Variants in PRDM15 observed in about 807,000 individuals in gnomAD.
PRDM15 encodes the protein PR domain zinc finger protein 15.
A neutral mutation model predicts 128.6 loss-of-function variants in PRDM15; 64 were observed. The ratio of observed to expected loss-of-function variants is 0.50; its 90% CI spans 0.41 to 0.61. The LOEUF (loss-of-function observed/expected upper bound fraction) is 0.61. PRDM15 is among the 20% of genes least tolerant of loss of function. The probability of loss-of-function intolerance (pLI) is 0.00; values close to 1 mark genes in which losing one functional copy is unlikely to be tolerated. For synonymous variants in PRDM15, 615 were observed against 621.8 expected, an observed-to-expected ratio of 0.99 and a Z score of 0.16; for missense variants, 1,242 against 1,569.1, an observed-to-expected ratio of 0.79 and a Z score of 3.52.
chr21:41,876,056 T>C (rs534281883), intron 1 of PRDM15, among the ~76,000 whole-genome samples: 1 of 152,288 alleles, frequency 6.6e-6, no homozygotes, highest in African/African-American at 2.4e-5. Flanking sequence ...ATAGTAAGTA[T>C]TTGCTTATCT....
chr21:41,824,534 A>AG (rs369327258), intron 13 of PRDM15, among the ~76,000 whole-genome samples: 137,042 of 152,040 alleles, frequency 0.9, 61,902 homozygotes, highest in African/African-American at 0.92. Context: ...TCAGGCACAG[A>AG]TTGTTTGCAC....
intron 1 of PRDM15, among the ~76,000 whole-genome samples, chr21:41,861,313 T>G (rs1342409160): frequency 6.6e-6 from 1 of 152,200 alleles, no homozygotes; most frequent in African/African-American, 2.4e-5. Context: ...CTATCCATCC[T>G]TGAGGTTCAC....
intron 5 of PRDM15, among the ~76,000 whole-genome samples, chr21:41,849,989 G>A (rs1312165261): frequency 5.3e-5 from 8 of 152,166 alleles, no homozygotes; most frequent in African/African-American, 7.2e-5. Context: ...GAATCAAATG[G>A]CAACAGCAGT....
At chr21:41,877,512 A>G (rs559103028) in intron 1 of PRDM15, 7 of 152,338 alleles carry the variant, frequency 4.6e-5, no homozygotes, top group African/African-American at 1.7e-4. Context: ...GAGTCTGAAA[A>G]ATCATTTAAG....
intron 22 of PRDM15, among the ~76,000 whole-genome samples, chr21:41,804,023 G>A (rs2061490394): frequency 6.7e-6 from 1 of 148,784 alleles, no homozygotes; most frequent in African/African-American, 2.5e-5. Context: ...GGAGCGCAGT[G>A]GCACAATCTC....
At chr21:41,833,578 CAT>C (rs1183723231) in intron 11 of PRDM15, among the ~76,000 whole-genome samples, 2 of 152,210 alleles carry the variant, frequency 1.3e-5, no homozygotes, top group African/African-American at 2.4e-5. Context: ...GCATGCAAAT[CAT>C]ATATTATGCA....
chr21:41,808,540 A>G (rs1165076431), intron 21 of PRDM15, among the ~76,000 whole-genome samples: 1 of 152,256 alleles, frequency 6.6e-6, no homozygotes, highest in Non-Finnish European at 1.5e-5. Flanking sequence ...TTCCAAAAGG[A>G]AGTCACTTTC....
chr21:41,856,195 CCCTTCCTTT>C (rs2063615995), intron 4 of PRDM15, among the ~76,000 whole-genome samples: 1 of 5,712 alleles, frequency 1.8e-4, no homozygotes. Flanking sequence ...TCCCCTCCCT[CCCTTCCTTT>C]CCTTCCTTCC....
At chr21:41,835,015 G>C (rs1601294871) in intron 11 of PRDM15, among the ~76,000 whole-genome samples, 1 of 152,196 alleles carries the variant, frequency 6.6e-6, no homozygotes, top group East Asian at 1.9e-4. Context: ...GATGTGGATG[G>C]AGGAGGGCTC....
intron 6 of PRDM15, among the ~76,000 whole-genome samples, chr21:41,844,572 AGCCCCTCCCCC>A (rs2063180695): frequency 1.8e-5 from 1 of 56,524 alleles, no homozygotes; most frequent in Non-Finnish European, 3.3e-5. Context: ...ACACACACAC[AGCCCCTCCCCC>A]CTCACAGGGA....
chr21:41,824,279 G>A (rs1392984194), intron 13 of PRDM15, among the ~76,000 whole-genome samples: 1 of 152,208 alleles, frequency 6.6e-6, no homozygotes, highest in Non-Finnish European at 1.5e-5. Context: ...CAGATGACTT[G>A]GGCTGACAGC....
chr21:41,826,592 T>C (rs2062480853), intron 12 of PRDM15, among the ~76,000 whole-genome samples: 1 of 152,206 alleles, frequency 6.6e-6, no homozygotes, highest in South Asian at 2.1e-4. Flanking sequence ...AGACAGACTT[T>C]TAAATGTTCA....
chr21:41,868,694 C>CTTTTTTTTTT (rs55653735), intron 1 of PRDM15, among the ~76,000 whole-genome samples: 18 of 125,166 alleles, frequency 1.4e-4, no homozygotes, highest in East Asian at 4.6e-4. Context: ...TTTTCTTTTT[C>CTTTTTTTTTT]TTTTTTTTTT....
In PRDM15 at chr21:41,879,218, C is replaced by CCGGCGGGGCGCA. The variant is rs1173663259; in HGVS notation, c.-10+40_-10+51dup. On this transcript the variant is annotated intron_variant, in intron 1 of 23. Coordinates refer to ENST00000398548, the MANE Select transcript of PRDM15 (RefSeq NM_001040424.3). This position sits in a 1 kb window ranked among gnomAD's most constrained non-coding sequence, Gnocchi z 5.1. Reference sequence around the variant, plus strand: ...CGGGGGCAGCGGGTGCGGCCCGGGGCCGGCGGGGCGCACGCCGGGGCGGGC... The same window carrying CCGGCGGGGCGCA: ...CGGGGGCAGCGGGTGCGGCCCGGGGCCGGCGGGGCGCACGGCGGGGCGCACGCCGGGGCGGGC... The CCGGCGGGGCGCA allele has an allele frequency of 1.3e-6, 1 of 773,430 alleles. No individual in the cohort carries two copies. Among genetic ancestry groups the CCGGCGGGGCGCA allele is most frequent in the Non-Finnish European group, 1.6e-6 (1 of 640,720 alleles). The allele number at this position is 773,430 out of a possible 1,614,324, so 47.9% of individuals were successfully genotyped here. A position where few individuals can be genotyped will look rare whatever the true frequency, so the allele number is the denominator to read the frequency against.
chr21:41,842,986 T>C (rs748865844), intron 6 of PRDM15, among the ~76,000 whole-genome samples: 95 of 152,086 alleles, frequency 6.2e-4, no homozygotes, highest in Non-Finnish European at 8.7e-4. Flanking sequence ...GGTTTCACCA[T>C]AATGGCCAGG....
chr21:41,835,760 C>T (rs2062853435), intron 10 of PRDM15, among the ~76,000 whole-genome samples: 1 of 144,582 alleles, frequency 6.9e-6, no homozygotes, highest in Admixed American at 6.9e-5. Context: ...CCCCATTCTC[C>T]TGACTCTTCC....
At chr21:41,806,053 A>T (rs2061572689) in intron 21 of PRDM15, among the ~76,000 whole-genome samples, 1 of 38,448 alleles carries the variant, frequency 2.6e-5, no homozygotes. Flanking sequence ...CATCACCACC[A>T]CCACCATCAC....
chr21:41,837,947 T>A lies in PRDM15; in HGVS notation c.988A>T (p.Ser330Cys). The A allele has an allele frequency of 6.2e-7, 1 of 1,614,212 alleles. No individual in the cohort carries two copies. The highest frequency in any genetic ancestry group is 1.3e-5 in the African/African-American group (1 of 75,048). The stretch of plus-strand genomic sequence containing the variant: ...GGCAGGACTTACTTTGGAACCGAGC[T>A]GGTGTCAGTGGTGGTGGTGGCCAGC... ...GKLATTTTDT[S>C]SVPKFTHHQN... The change falls in exon 8 of 24, where the codon AGC becomes TGC. Residue 330 changes from serine to cysteine, a missense_variant. This residue lies in a region of PRDM15 where 612 missense variants were observed against 717.0 expected (regional missense o/e 0.85). Coordinates refer to ENST00000398548, the MANE Select transcript of PRDM15 (RefSeq NM_001040424.3).
intron 13 of PRDM15, among the ~76,000 whole-genome samples, chr21:41,823,914 T>C (rs2062375169): frequency 6.6e-6 from 1 of 152,158 alleles, no homozygotes; most frequent in Non-Finnish European, 1.5e-5. Context: ...GCATGATGGG[T>C]GTGGAGATGC....
Sources: gnomAD v4.1 joint callset for allele counts (sites outside exome capture counted in the v4.1 genomes callset) on GRCh38, gnomAD v4.1.1 for gene constraint, gnomAD v4.1.1 regional missense constraint, Gnocchi (gnomAD v3.1) non-coding constraint, MANE v1.5 for transcripts, NCBI Gene and HGNC (gene_info 2026-07-23, HGNC 2026-07-21) for gene names.